Variants in KATNAL2 observed in about 807,000 individuals in gnomAD.
KATNAL2 encodes katanin p60 ATPase-containing subunit A-like 2.
A neutral mutation model predicts 76.3 loss-of-function variants in KATNAL2; 52 were observed. The observed-to-expected ratio is 0.68, with a 90% confidence interval of 0.55 to 0.86. The LOEUF is 0.86. Among genes scored for constraint, KATNAL2 ranks in the 40% least tolerant of loss-of-function variants. KATNAL2 has a pLI of 0.00. For synonymous variants in KATNAL2, 243 were observed against 244.2 expected, an observed-to-expected ratio of 1.00 and a Z score of 0.05; for missense variants, 660 against 668.9, an observed-to-expected ratio of 0.99 and a Z score of 0.15.
chr18:46,937,536 ATGTT>A (rs1263567641), intron 1 of KATNAL2, among the ~76,000 whole-genome samples: 1 of 152,182 alleles, frequency 6.6e-6, no homozygotes, highest in Non-Finnish European at 1.5e-5. Context: ...TAATGTATCA[ATGTT>A]TGTGTGATCT....
chr18:46,934,616 C>T (rs546384938), intron 1 of KATNAL2, among the ~76,000 whole-genome samples: 2 of 152,184 alleles, frequency 1.3e-5, no homozygotes, highest in African/African-American at 2.4e-5. Context: ...CACTCTGATG[C>T]TAGTTTCTTT....
At chr18:46,922,143 C>G (rs2058585341) in intron 1 of KATNAL2, among the ~76,000 whole-genome samples, 1 of 150,614 alleles carries the variant, frequency 6.6e-6, no homozygotes, top group Admixed American at 6.6e-5. Context: ...CTCTGTCGCC[C>G]AGGCTAGAGT....
Position 47,071,953 on chromosome 18 carries a change from C to CTTT in KATNAL2, c.1008+2389_1008+2391dup, listed in dbSNP as rs574265545. On this transcript the variant is annotated intron_variant, in intron 13 of 17. Coordinates refer to ENST00000683218, the MANE Select transcript of KATNAL2 (RefSeq NM_001387690.1). ...GAAACAATTCCTCTCCCAATTTCTT[C>CTTT]TTTTTTTTTTTTTTTTTTTTTTTTT... 1.2e-3 allele frequency among the ~76,000 whole-genome samples: 53 copies of CTTT among 43,950 alleles called. 11 individuals carry two copies. Among genetic ancestry groups the CTTT allele is most frequent in the African/African-American group, 2.3e-3 (19 of 8,348 alleles). 28.8% of individuals were successfully genotyped at this position (43,950 alleles called of 152,430 possible).
chr18:46,953,966 A>G (rs2059645413), intron 3 of KATNAL2, among the ~76,000 whole-genome samples: 1 of 152,080 alleles, frequency 6.6e-6, no homozygotes, highest in Admixed American at 6.5e-5. Context: ...TAAGGGCAAA[A>G]TAAGTTTGGT....
At position 47,041,697 on chromosome 18, in the gene KATNAL2, C is replaced by T. The variant is rs572168418; in HGVS notation, c.52-4760C>T. Among the ~76,000 whole-genome samples, 667 of 152,266 alleles carry T rather than the reference C, an allele frequency of 4.4e-3. 2 individuals are homozygous for T. Among genetic ancestry groups the T allele is most frequent in the Non-Finnish European group, 7.1e-3 (483 of 68,032 alleles). On this transcript the variant is annotated intron_variant, in intron 3 of 17. Transcript: ENST00000683218. ...CAGTTTCTCTGTGAACATAAGTTTT[C>T]AATTCATTTGGGTAAATACCAAGGG...
chr18:47,091,694 C>T (rs1271116030), intron 15 of KATNAL2, among the ~76,000 whole-genome samples: 5 of 152,156 alleles, frequency 3.3e-5, no homozygotes, highest in Admixed American at 3.3e-4. Flanking sequence ...CTAATCAATA[C>T]AGACATCTGT....
At chr18:47,043,715 T>C (rs2061051547) in intron 3 of KATNAL2, among the ~76,000 whole-genome samples, 1 of 152,156 alleles carries the variant, frequency 6.6e-6, no homozygotes, top group South Asian at 2.1e-4. Context: ...CAAAATCTTA[T>C]GTATTTGATG....
At chr18:46,932,025 C>T (rs1748096816) in intron 1 of KATNAL2, among the ~76,000 whole-genome samples, 1 of 151,896 alleles carries the variant, frequency 6.6e-6, no homozygotes, top group African/African-American at 2.4e-5. Context: ...ATTCTCCCAC[C>T]TCAGCCTCCC....
intron 1 of KATNAL2, among the ~76,000 whole-genome samples, chr18:46,921,350 A>G (rs1315363067): frequency 6.6e-6 from 1 of 151,638 alleles, no homozygotes; most frequent in African/African-American, 2.4e-5. Context: ...CTAGTCTTGA[A>G]CTCCTGACCT....
At chr18:47,056,120 A>C (rs2061464989) in intron 6 of KATNAL2, among the ~76,000 whole-genome samples, 1 of 152,256 alleles carries the variant, frequency 6.6e-6, no homozygotes, top group Non-Finnish European at 1.5e-5. Context: ...AGGAAAGGTT[A>C]TCTAATGTGA....
chr18:46,952,422 T>C (rs866990088), intron 3 of KATNAL2, among the ~76,000 whole-genome samples: 13 of 111,070 alleles, frequency 1.2e-4, no homozygotes, highest in Non-Finnish European at 2.3e-4. Context: ...TTTTTTGAGA[T>C]GGAGTCTCAC....
intron 1 of KATNAL2, among the ~76,000 whole-genome samples, chr18:46,942,890 T>C (rs2059287096): frequency 6.6e-6 from 1 of 152,162 alleles, no homozygotes; most frequent in Non-Finnish European, 1.5e-5. Flanking sequence ...TAAGATGTTG[T>C]TGAGTACCTA....
chr18:47,034,395 G>C lies in KATNAL2; in HGVS notation c.52-12062G>C, dbSNP rs373135969. 9.3e-6 allele frequency: 15 copies of C among 1,613,934 alleles called. No individual in the cohort carries two copies. The highest frequency in any genetic ancestry group is 1.3e-5 in the Non-Finnish European group (15 of 1,180,050). On this transcript the variant is annotated intron_variant, in intron 3 of 17. Coordinates refer to ENST00000683218, the MANE Select transcript of KATNAL2 (RefSeq NM_001387690.1). ...CCTCCAAGGCAGGGACACGCTGGCC[G>C]CTGCCAGCTTGCCCCCCTTCCTTGT...
chr18:47,068,782 C>A (rs541130762), intron 11 of KATNAL2, among the ~76,000 whole-genome samples: 1 of 152,154 alleles, frequency 6.6e-6, no homozygotes, highest in Non-Finnish European at 1.5e-5. Flanking sequence ...CAAGTTTCAC[C>A]GTAGCTCTGT....
chr18:47,092,003 T>C (rs550384251), intron 15 of KATNAL2, among the ~76,000 whole-genome samples: 9 of 152,138 alleles, frequency 5.9e-5, no homozygotes, highest in Admixed American at 1.3e-4. Context: ...GCTTATTTTT[T>C]CTTTGAAATT....
Position 47,099,417 on chromosome 18 carries a change from T to C in KATNAL2, c.1374+12T>C. On this transcript the variant is annotated intron_variant, in intron 16 of 17. Coordinates refer to ENST00000683218, the MANE Select transcript of KATNAL2 (RefSeq NM_001387690.1). ...GTGTGCTGAGCCAGGTCAGCTGCCC[T>C]GGAGAGGGGCACATGTAGGTCAAGG... The C allele has an allele frequency of 1.2e-6, 2 of 1,601,156 alleles. No individual in the cohort carries two copies. The highest frequency in any genetic ancestry group is 1.1e-5 in the South Asian group (1 of 89,646).
At chr18:47,063,135 T>C (rs2147154897) in intron 9 of KATNAL2, 65 bp downstream of exon 9, 1 of 1,492,728 alleles carries the variant, frequency 6.7e-7, no homozygotes, top group South Asian at 1.1e-5. Flanking sequence ...TCTGGAAATA[T>C]AATTTTGAGT....
At chr18:47,048,080 C>T (rs1294873785) in intron 4 of KATNAL2, among the ~76,000 whole-genome samples, 1 of 152,164 alleles carries the variant, frequency 6.6e-6, no homozygotes, top group Non-Finnish European at 1.5e-5. Context: ...TTGGCTGTCA[C>T]ACTGGCATCT....
chr18:46,924,341 C>T (rs2146502053), intron 1 of KATNAL2, among the ~76,000 whole-genome samples: 1 of 152,238 alleles, frequency 6.6e-6, no homozygotes, highest in South Asian at 2.1e-4. Context: ...GAATCCTTTC[C>T]CCATTGCTTG....
Sources: gnomAD v4.1 joint callset for allele counts (sites outside exome capture counted in the v4.1 genomes callset) on GRCh38, gnomAD v4.1.1 for gene constraint, MANE v1.5 for transcripts, NCBI Gene and HGNC (gene_info 2026-07-23, HGNC 2026-07-21) for gene names.